Variants in SASS6 observed in about 807,000 individuals in gnomAD.
SASS6 encodes spindle assembly abnormal protein 6 homolog.
In SASS6, 59 loss-of-function variants were observed where a neutral mutation model predicts 94.9. The ratio of observed to expected loss-of-function variants is 0.62; its 90% confidence interval spans 0.50 to 0.77. The LOEUF is 0.77. SASS6 is among the 30% of genes least tolerant of loss of function. The pLI, the probability that SASS6 is intolerant of heterozygous loss-of-function variation, is 0.00. For missense variants in SASS6, 698 were observed against 734.1 expected (o/e 0.95, Z 0.57); for synonymous variants, 264 against 270.0 (o/e 0.98, Z 0.22).
At chr1:100,096,350 C>T (rs1278633943) in intron 14 of SASS6, among the ~76,000 whole-genome samples, 1 of 152,148 alleles carries the variant, frequency 6.6e-6, no homozygotes, top group Non-Finnish European at 1.5e-5. Context: ...GAAAAATGAA[C>T]TTAGATCCTT....
Position 100,105,866 on chromosome 1 carries a change from C to T in SASS6, c.1446G>A (p.Gln482=). The change falls in exon 13 of 17, where the codon CAG becomes CAA. Residue 482 remains glutamine, a synonymous_variant. Coordinates refer to ENST00000287482, the MANE Select transcript of SASS6 (RefSeq NM_194292.3). ...TWLNKELNEN[Q]LVRKQDVLGP... is the part of the protein sequence containing the mutation. Reference sequence around the variant, plus strand: ...CCAATACATCTTGCTTTCTCACTAGCTGATTTTCATTTAGTTCTTTATTTA... The same window carrying T: ...CCAATACATCTTGCTTTCTCACTAGTTGATTTTCATTTAGTTCTTTATTTA... The T allele has an allele frequency of 6.2e-6, 10 of 1,608,948 alleles. No individual in the cohort carries two copies. Among genetic ancestry groups the T allele is most frequent in the Non-Finnish European group, 8.5e-6 (10 of 1,176,734 alleles).
intron 13 of SASS6, among the ~76,000 whole-genome samples, chr1:100,105,287 G>A (rs1170139543): frequency 6.6e-6 from 1 of 152,154 alleles, no homozygotes; most frequent in Non-Finnish European, 1.5e-5. Flanking sequence ...CCAACACTTT[G>A]GGAGGCCGAG....
At chr1:100,120,607 A>G (rs960367438) in intron 5 of SASS6, 148 bp from the exon 6 acceptor site, 1 of 557,946 alleles carries the variant, frequency 1.8e-6, no homozygotes, top group East Asian at 3.0e-5. Flanking sequence ...TTTTAACAAG[A>G]TCCCCAGATA....
At chr1:100,103,325 C>G (rs996815370) in intron 13 of SASS6, among the ~76,000 whole-genome samples, 5 of 152,092 alleles carry the variant, frequency 3.3e-5, no homozygotes, top group African/African-American at 4.8e-5. Context: ...AACTACTGGG[C>G]CTGCCTTTGT....
At chr1:100,110,242 A>C (rs1463502388) in intron 8 of SASS6, 50 bp downstream of exon 8, 1 of 1,192,490 alleles carries the variant, frequency 8.4e-7, no homozygotes, top group East Asian at 2.5e-5. Context: ...AAATAACCAA[A>C]TCAAAACGTT....
intron 2 of SASS6, among the ~76,000 whole-genome samples, chr1:100,125,010 G>A (rs1054741071): frequency 2.6e-5 from 4 of 152,208 alleles, no homozygotes; most frequent in South Asian, 2.1e-4. Context: ...GCCACAGACC[G>A]TACCAGTAAG....
At chr1:100,108,109 A>G (rs1303156617) in intron 8 of SASS6, 105 bp from the exon 9 acceptor site, 2 of 627,302 alleles carry the variant, frequency 3.2e-6, no homozygotes, top group African/African-American at 1.9e-5. Context: ...AGTCTTTAAT[A>G]ATTTTAAAGT....
Position 100,125,934 on chromosome 1 carries a change from C to G in SASS6, c.74G>C (p.Ser25Thr). The change falls in exon 2 of 17, where the codon AGT becomes ACT. Residue 25 changes from serine (S) to threonine (T), a missense_variant. By Grantham distance (58) the Ser-to-Thr change is moderately conservative. Coordinates refer to ENST00000287482, the MANE Select transcript of SASS6 (RefSeq NM_194292.3). ...TTGTAGTTCAATGCTCATTCTTATA[C>G]TTACTCTCCTGTAGGAAAAGACATA... ...KCKDCEERRV[S>T]IRMSIELQSV... 1 of 1,531,572 alleles carries G rather than the reference C, an allele frequency of 6.5e-7. No homozygotes were observed. Among genetic ancestry groups the G allele is most frequent in the Non-Finnish European group, 8.9e-7 (1 of 1,122,370 alleles). 94.9% of individuals were successfully genotyped at this position (1,531,572 alleles called of 1,614,324 possible).
Position 100,085,155 on chromosome 1 carries a change from C to T in SASS6, c.*173G>A, listed in dbSNP as rs1651142790. ...CACAATCTTTACCAATCCCCAAGTACAAATTTGTTCCTATATTATAAACTG... is the reference window on the plus strand; with the variant it reads ...CACAATCTTTACCAATCCCCAAGTATAAATTTGTTCCTATATTATAAACTG... On this transcript the variant is annotated 3_prime_UTR_variant, in exon 17 of 17. Coordinates refer to ENST00000287482, the MANE Select transcript of SASS6 (RefSeq NM_194292.3). The T allele has an allele frequency of 3.6e-6, 2 of 548,070 alleles. No homozygotes were observed. The highest frequency in any genetic ancestry group is 6.5e-6 in the Non-Finnish European group (2 of 305,522). The allele number at this position is 548,070 out of a possible 1,614,324, so 34.0% of individuals were successfully genotyped here.
rs1421735961 is a variant in SASS6 at position 100,084,502 on chromosome 1, G to C, written c.*826C>G. 2 of 151,938 alleles carry C rather than the reference G, an allele frequency of 1.3e-5. No individual in the cohort carries two copies. The highest frequency in any genetic ancestry group is 6.6e-5 in the Admixed American group (1 of 15,248). 9.4% of individuals were successfully genotyped at this position (151,938 alleles called of 1,614,324 possible). On this transcript the variant is annotated 3_prime_UTR_variant, in exon 17 of 17. Coordinates refer to ENST00000287482, the MANE Select transcript of SASS6 (RefSeq NM_194292.3). ...TTTATTAACATTGAAATCAACCCAA[G>C]TTCTGATACTATAAAAATAAATGAA...
chr1:100,128,654 T>G (rs966160471), intron 1 of SASS6, among the ~76,000 whole-genome samples: 3 of 152,198 alleles, frequency 2.0e-5, no homozygotes, highest in African/African-American at 7.2e-5. Flanking sequence ...TTTTTTCCCT[T>G]ATAATGGTTA....
intron 7 of SASS6, among the ~76,000 whole-genome samples, chr1:100,117,841 G>A (rs1411862131): frequency 6.8e-6 from 1 of 146,896 alleles, no homozygotes; most frequent in Non-Finnish European, 1.5e-5. Flanking sequence ...TTAAGAAGGT[G>A]GCAGGGCACA....
intron 14 of SASS6, among the ~76,000 whole-genome samples, chr1:100,096,235 A>T (rs1465084839): frequency 6.6e-6 from 1 of 152,220 alleles, no homozygotes; most frequent in Non-Finnish European, 1.5e-5. Flanking sequence ...CCTGAAATAA[A>T]TCCTTACATG....
chr1:100,113,936 G>A (rs939846968), intron 7 of SASS6, among the ~76,000 whole-genome samples: 6 of 151,974 alleles, frequency 3.9e-5, no homozygotes, highest in African/African-American at 1.2e-4. Context: ...TGAGGCAGGA[G>A]GATTGCCTAA....
intron 8 of SASS6, 27 bp from the exon 9 acceptor site, chr1:100,108,031 G>A (rs1275630271): frequency 2.1e-6 from 3 of 1,446,138 alleles, no homozygotes; most frequent in Admixed American, 2.1e-5. Context: ...AAGAAATTAA[G>A]CATTATGAAA....
In SASS6 at chr1:100,100,736, A is replaced by C. The variant is rs533510471; in HGVS notation, c.1674+2219T>G. Among the ~76,000 whole-genome samples the C allele has an allele frequency of 5.3e-5, 8 of 152,350 alleles. No individual in the cohort carries two copies. In the East Asian group the frequency reaches 1.5e-3, roughly 29 times the overall value. ...GGAAGATCACAGGTTCAACGTCAAA[A>C]ATAAAAGCGTCATTTTTAAAAACTG... On this transcript the variant is annotated intron_variant, in intron 14 of 16. Coordinates refer to ENST00000287482, the MANE Select transcript of SASS6 (RefSeq NM_194292.3).
intron 8 of SASS6, among the ~76,000 whole-genome samples, chr1:100,108,472 T>G (rs1193856568): frequency 6.6e-6 from 1 of 151,214 alleles, no homozygotes; most frequent in Non-Finnish European, 1.5e-5. Flanking sequence ...TGTTAACATT[T>G]CCAGATCTCT....
At position 100,110,420 on chromosome 1, in the gene SASS6, GT is replaced by G; in HGVS notation, c.732del (p.Gln244HisfsTer14). ...CTGTTTTGTAGCTGGTGGATGTTTTGTTGATGGAGGATTTCTAAATCTTTTT... is the reference window on the plus strand; with the variant it reads ...CTGTTTTGTAGCTGGTGGATGTTTTGTGATGGAGGATTTCTAAATCTTTTT... ...QQKKDLEILH[Q>X]QNIHQLQNRL... is the part of the protein sequence containing the mutation. On this transcript the variant is annotated frameshift_variant, in exon 8 of 17. Coordinates refer to ENST00000287482, the MANE Select transcript of SASS6 (RefSeq NM_194292.3). LOFTEE classifies it high-confidence loss of function. 1 of 1,611,180 alleles carries G rather than the reference GT, an allele frequency of 6.2e-7. No homozygotes were observed. Among genetic ancestry groups the G allele is most frequent in the Non-Finnish European group, 8.5e-7 (1 of 1,177,894 alleles).
chr1:100,123,290 C>T lies in SASS6; in HGVS notation c.127-1G>A. 6.7e-7 allele frequency: 1 copy of T among 1,491,370 alleles called. No individual in the cohort carries two copies. Among genetic ancestry groups the T allele is most frequent in the Non-Finnish European group, 9.2e-7 (1 of 1,083,614 alleles). The allele number at this position is 1,491,370 out of a possible 1,614,324, so 92.4% of individuals were successfully genotyped here. ...CATCAGTCAGACGAATAACTAAGTC[C>T]TAAAAGAAAGTTTGTTGTTTTTAAA... On this transcript the variant is annotated splice_acceptor_variant, in intron 2 of 16. Transcript: ENST00000287482. LOFTEE classifies it high-confidence loss of function.
Sources: gnomAD v4.1 joint callset for allele counts (sites outside exome capture counted in the v4.1 genomes callset) on GRCh38, gnomAD v4.1.1 for gene constraint, MANE v1.5 for transcripts, NCBI Gene and HGNC (gene_info 2026-07-23, HGNC 2026-07-21) for gene names.